The following NLGN1 variants were observed in gnomAD, a reference collection of about 807,000 sequenced individuals.
The protein encoded by NLGN1 is neuroligin 1.
Under a neutral mutation model 65.5 loss-of-function variants are expected in NLGN1, and 12 were observed. The observed-to-expected ratio is 0.18, with a 90% confidence interval of 0.12 to 0.30. The LOEUF (loss-of-function observed/expected upper bound fraction) is 0.30, where lower values mean the gene tolerates loss of function less well. Ranked by LOEUF, NLGN1 falls within the 10% of genes least tolerant of loss-of-function variation. The probability of loss-of-function intolerance (pLI) is 1.00; values close to 1 mark genes in which losing one functional copy is unlikely to be tolerated. For synonymous variants in NLGN1, 350 were observed against 359.5 expected, an observed-to-expected ratio of 0.97 and a Z score of 0.30; for missense variants, 750 against 1,007.1, an observed-to-expected ratio of 0.74 and a Z score of 3.46.
intron 3 of NLGN1, among the ~76,000 whole-genome samples, chr3:173,628,601 T>C (rs77929498): frequency 4.0e-5 from 6 of 148,670 alleles, no homozygotes; most frequent in Admixed American, 1.3e-4. Flanking sequence ...CTACACCATC[T>C]TTTTTTTTTA....
chr3:173,870,964 C>G (rs991901215), intron 4 of NLGN1, among the ~76,000 whole-genome samples: 1 of 152,168 alleles, frequency 6.6e-6, no homozygotes, highest in Admixed American at 6.6e-5. Context: ...TGGTAGACTC[C>G]TGGATGGAGG....
chr3:174,002,704 A>AT (rs1560818351), intron 4 of NLGN1, among the ~76,000 whole-genome samples: 3 of 152,216 alleles, frequency 2.0e-5, no homozygotes, highest in Admixed American at 1.3e-4. Flanking sequence ...TTCTAGTGAA[A>AT]TTTTTTTGCC....
Position 174,280,464 on chromosome 3 carries a change from T to C in NLGN1, c.1650-17T>C. On this transcript the variant is annotated splice_polypyrimidine_tract_variant and intron_variant, in intron 6 of 6. Coordinates refer to ENST00000457714, the Ensembl canonical transcript of NLGN1. The surrounding 1 kb of genome is among the most constrained non-coding windows in gnomAD (Gnocchi z 4.9). The stretch of plus-strand genomic sequence containing the variant: ...ATAAAATAGCTTTATTCTCATAATT[T>C]ATCTTTTCCTTCTTAGTGACCCAAA... The C allele has an allele frequency of 2.0e-6, 3 of 1,524,864 alleles. No individual in the cohort carries two copies. Among genetic ancestry groups the C allele is most frequent in the Non-Finnish European group, 2.7e-6 (3 of 1,124,894 alleles). The allele number at this position is 1,524,864 out of a possible 1,614,324, so 94.5% of individuals were successfully genotyped here.
chr3:173,490,073 G>A (rs1196297461), intron 2 of NLGN1, among the ~76,000 whole-genome samples: 1 of 152,162 alleles, frequency 6.6e-6, no homozygotes, highest in Non-Finnish European at 1.5e-5. Context: ...TTGCTGTGCA[G>A]AAGCTCTTTA....
At chr3:173,708,301 G>A (rs2081437311) in intron 3 of NLGN1, among the ~76,000 whole-genome samples, 1 of 152,144 alleles carries the variant, frequency 6.6e-6, no homozygotes, top group Non-Finnish European at 1.5e-5. Context: ...ATCCGACCTT[G>A]GCTGAAGAGC....
intron 4 of NLGN1, among the ~76,000 whole-genome samples, chr3:174,191,783 T>TTTTG (rs139387413): frequency 0.081 from 12,293 of 151,878 alleles, 531 homozygotes; most frequent in Non-Finnish European, 0.092. Context: ...TTTCAGGTTG[T>TTTTG]TTTGTTTGTT....
chr3:174,268,212 T>C (rs926856325), intron 4 of NLGN1, among the ~76,000 whole-genome samples: 1 of 152,120 alleles, frequency 6.6e-6, no homozygotes. Context: ...TCAAAAGGCC[T>C]TTTAGAAGAG....
At chr3:173,423,918 C>T (rs1715610348) in intron 1 of NLGN1, among the ~76,000 whole-genome samples, 1 of 152,146 alleles carries the variant, frequency 6.6e-6, no homozygotes, top group Admixed American at 6.5e-5. Flanking sequence ...AGAGGTTCTC[C>T]ACGAGGACTC....
intron 4 of NLGN1, among the ~76,000 whole-genome samples, chr3:174,066,385 T>C (rs1738556155): frequency 6.6e-6 from 1 of 152,096 alleles, no homozygotes; most frequent in South Asian, 2.1e-4. Context: ...TTATTTCAAA[T>C]ATTTTTAAGT....
chr3:173,698,947 C>T (rs1013772659), intron 3 of NLGN1, among the ~76,000 whole-genome samples: 11 of 152,160 alleles, frequency 7.2e-5, no homozygotes, highest in Non-Finnish European at 1.2e-4. Flanking sequence ...ACCTCCACCT[C>T]CCAGGTTCAA....
At chr3:173,397,176 A>C (rs1237195995), upstream of NLGN1, among the ~76,000 whole-genome samples, 3 of 152,072 alleles carry the variant, frequency 2.0e-5, no homozygotes, top group Non-Finnish European at 2.9e-5. Flanking sequence ...CAGCAAACAA[A>C]CCAATCTCAG....
At chr3:174,271,945 A>G (rs1374397726) in intron 4 of NLGN1, among the ~76,000 whole-genome samples, 1 of 151,682 alleles carries the variant, frequency 6.6e-6, no homozygotes, top group Non-Finnish European at 1.5e-5. Context: ...TAAGTAGTTG[A>G]ATTTTTGGGG....
At chr3:173,660,608 T>A (rs1463069633) in intron 3 of NLGN1, among the ~76,000 whole-genome samples, 1 of 151,868 alleles carries the variant, frequency 6.6e-6, no homozygotes, top group Non-Finnish European at 1.5e-5. Context: ...TATAATACTT[T>A]AAATACTAAT....
At position 173,849,122 on chromosome 3, in the gene NLGN1, C is replaced by T. The variant is rs908954750; in HGVS notation, c.646+41290C>T. 7.2e-5 allele frequency among the ~76,000 whole-genome samples: 11 copies of T among 151,938 alleles called. No individual in the cohort carries two copies. In the East Asian group the frequency reaches 7.7e-4, roughly 11 times the overall value. On this transcript the variant is annotated intron_variant, in intron 4 of 6. Transcript: ENST00000457714. ...TTTTTGATCTATTGTATAAGCTTTG[C>T]GATAACTACCATATAATGAAAAAAG...
At chr3:173,887,528 T>A (rs1395328965) in intron 4 of NLGN1, among the ~76,000 whole-genome samples, 3 of 151,930 alleles carry the variant, frequency 2.0e-5, no homozygotes, top group Non-Finnish European at 2.9e-5. Context: ...ACTCTTCACC[T>A]CACTAAAATT....
At chr3:173,490,864 T>G (rs995810529) in intron 2 of NLGN1, among the ~76,000 whole-genome samples, 10 of 152,214 alleles carry the variant, frequency 6.6e-5, no homozygotes, top group Admixed American at 2.6e-4. Context: ...CAATTGTGAA[T>G]GGGAGTTCAT....
At chr3:173,793,575 ATTTAAC>A (rs905842903) in intron 3 of NLGN1, among the ~76,000 whole-genome samples, 3 of 152,162 alleles carry the variant, frequency 2.0e-5, no homozygotes, top group African/African-American at 7.2e-5. Context: ...GGCAAAGTGA[ATTTAAC>A]TTTAAATACA....
intron 4 of NLGN1, among the ~76,000 whole-genome samples, chr3:174,015,609 T>C (rs1178478119): frequency 6.6e-6 from 1 of 152,134 alleles, no homozygotes; most frequent in Non-Finnish European, 1.5e-5. Context: ...TGTATAAAAA[T>C]ATTTGAATAT....
At chr3:173,571,054 C>G (rs1206462097) in intron 2 of NLGN1, among the ~76,000 whole-genome samples, 2 of 152,084 alleles carry the variant, frequency 1.3e-5, no homozygotes, top group Non-Finnish European at 2.9e-5. Context: ...ATGTTGAAAG[C>G]CACAAGACTA....
Sources: gnomAD v4.1 joint callset for allele counts (sites outside exome capture counted in the v4.1 genomes callset) on GRCh38, gnomAD v4.1.1 for gene constraint, Gnocchi (gnomAD v3.1) non-coding constraint, MANE v1.5 for transcripts, NCBI Gene and HGNC (gene_info 2026-07-23, HGNC 2026-07-21) for gene names.